Variants in HLTF observed in about 807,000 individuals in gnomAD.
HLTF encodes helicase like transcription factor, also known as DNA-dependent ATPase/E3 ubiquitin-protein ligase HLTF.
HLTF carries 127 observed loss-of-function variants against 129.4 expected under a neutral mutation model. The ratio of observed to expected loss-of-function variants is 0.98; its 90% CI spans 0.85 to 1.14. The LOEUF (loss-of-function observed/expected upper bound fraction) is 1.14. Among genes scored for constraint, HLTF ranks in the 50% most tolerant of loss-of-function variants. HLTF has a pLI of 0.00. For missense variants in HLTF, 1,139 were observed against 1,187.1 expected (o/e 0.96, Z 0.60); for synonymous variants, 332 against 388.8 (o/e 0.85, Z 1.72).
intron 24 of HLTF, 152 bp downstream of exon 24, chr3:149,034,766 C>T (rs1715425517): frequency 3.3e-6 from 2 of 611,566 alleles, no homozygotes; most frequent in Non-Finnish European, 6.0e-6. Context: ...CCTTAAACAG[C>T]ATATATTAAA....
chr3:149,050,191 T>C, intron 15 of HLTF, 41 bp downstream of exon 15: 1 of 1,344,632 alleles, frequency 7.4e-7, no homozygotes, highest in South Asian at 1.5e-5. Flanking sequence ...ATTTCTTACA[T>C]TCAATCTTTA....
rs565556524 is a variant in HLTF, at chr3:149,037,821, G to A, written c.2796+1228C>T. ...CCCACATAGTACCCAGTGCAAATTA[G>A]AAACTGAATTAGTCCAAGGTCCTCT... On this transcript the variant is annotated intron_variant, in intron 23 of 24. Coordinates refer to ENST00000310053, the MANE Select transcript of HLTF (RefSeq NM_003071.4). 2.0e-4 allele frequency among the ~76,000 whole-genome samples: 31 copies of A among 152,266 alleles called. No individual in the cohort carries two copies. In the South Asian group the frequency reaches 6.0e-3, roughly 30 times the overall value.
At chr3:149,039,950 ATTACGATTT>A in intron 21 of HLTF, 72 bp downstream of exon 21, 1 of 1,248,348 alleles carries the variant, frequency 8.0e-7, no homozygotes, top group South Asian at 1.5e-5. Flanking sequence ...TGAAAGCAGA[ATTACGATTT>A]TGATATACTG....
intron 13 of HLTF, among the ~76,000 whole-genome samples, chr3:149,055,708 T>C (rs184287821): frequency 1.5e-4 from 23 of 152,360 alleles, no homozygotes; most frequent in African/African-American, 5.0e-4. Context: ...TTTCTGAATT[T>C]GTGTTATATT....
At chr3:149,077,246 CAAAATAAA>C (rs1186889571) in intron 2 of HLTF, among the ~76,000 whole-genome samples, 1 of 125,958 alleles carries the variant, frequency 7.9e-6, no homozygotes, top group Non-Finnish European at 1.6e-5. Flanking sequence ...GACTTCATCT[CAAAATAAA>C]TAAATAAATA....
chr3:149,082,393 A>G (rs1016520124), intron 2 of HLTF, among the ~76,000 whole-genome samples: 1 of 152,202 alleles, frequency 6.6e-6, no homozygotes, highest in Non-Finnish European at 1.5e-5. Context: ...TGGGAGGCGG[A>G]GCTTGCAATG....
chr3:149,064,834 A>G lies in HLTF; in HGVS notation c.1023T>C (p.Leu341=), dbSNP rs1718219771. ...EYNVNDDSMK[L]GGNNTSEKAD... Reference sequence around the variant, plus strand: ...CCTTTTCACTGGTATTGTTTCCTCCAAGTTTCATAGAGTCATCGTTAACAT... The same window carrying G: ...CCTTTTCACTGGTATTGTTTCCTCCGAGTTTCATAGAGTCATCGTTAACAT... Residue 341 remains leucine, a synonymous_variant, in exon 9 of 25, where the codon CTT becomes CTC. Transcript: ENST00000310053. 1.9e-6 allele frequency: 3 copies of G among 1,601,098 alleles called. No individual in the cohort carries two copies. Among genetic ancestry groups the G allele is most frequent in the Non-Finnish European group, 2.6e-6 (3 of 1,168,744 alleles).
At chr3:149,073,132 TACCC>T in intron 5 of HLTF, 89 bp downstream of exon 5, 1 of 632,944 alleles carries the variant, frequency 1.6e-6, no homozygotes, top group Non-Finnish European at 2.7e-6. Context: ...AGACCACAAA[TACCC>T]ACACGTACAT....
rs572266911 is a variant in HLTF at position 149,036,883 on chromosome 3, G to A, written c.2797-1885C>T. Among the ~76,000 whole-genome samples the A allele has an allele frequency of 2.0e-3, 299 of 152,230 alleles. 2 individuals carry two copies. Among genetic ancestry groups the A allele is most frequent in the African/African-American group, 6.9e-3 (288 of 41,540 alleles). On this transcript the variant is annotated intron_variant, in intron 23 of 24. Coordinates refer to ENST00000310053, the MANE Select transcript of HLTF (RefSeq NM_003071.4). The stretch of plus-strand genomic sequence containing the variant: ...TGGAAAGCTTGATATGTTCAATGAA[G>A]AACACTCAACTTACTATAAAACTGC...
intron 1 of HLTF, among the ~76,000 whole-genome samples, chr3:149,085,242 G>A (rs775657881): frequency 3.2e-4 from 49 of 152,240 alleles, no homozygotes; most frequent in Non-Finnish European, 6.3e-4. Flanking sequence ...TGGAATCCCA[G>A]CACTTTGGGA....
intron 2 of HLTF, among the ~76,000 whole-genome samples, chr3:149,081,333 T>C (rs1302319199): frequency 6.7e-6 from 1 of 149,162 alleles, no homozygotes; most frequent in Admixed American, 6.7e-5. Flanking sequence ...AAATAAAGAA[T>C]GCTACTACAT....
intron 18 of HLTF, among the ~76,000 whole-genome samples, chr3:149,045,305 C>T (rs1576583147): frequency 6.6e-6 from 1 of 152,108 alleles, no homozygotes; most frequent in Non-Finnish European, 1.5e-5. Context: ...TAATACCCTA[C>T]TAAAACAGCT....
At chr3:149,063,409 TA>T in intron 10 of HLTF, 21 bp downstream of exon 10, 1 of 1,411,162 alleles carries the variant, frequency 7.1e-7, no homozygotes, top group Non-Finnish European at 1.0e-6. Flanking sequence ...ACATATGACA[TA>T]ATCAAACCAT....
intron 2 of HLTF, among the ~76,000 whole-genome samples, chr3:149,077,923 C>G (rs1456451389): frequency 6.6e-6 from 1 of 151,896 alleles, no homozygotes; most frequent in African/African-American, 2.4e-5. Flanking sequence ...CTTCAGTGAC[C>G]ACACACGATA....
chr3:149,067,762 T>C (rs553135794), intron 8 of HLTF, among the ~76,000 whole-genome samples: 3 of 152,270 alleles, frequency 2.0e-5, no homozygotes, highest in Middle Eastern at 3.4e-3. Flanking sequence ...TCCTTTCAGA[T>C]AGTTTCTTAG....
At chr3:149,050,412 G>C in intron 14 of HLTF, 37 bp from the exon 15 acceptor site, 1 of 1,457,784 alleles carries the variant, frequency 6.9e-7, no homozygotes, top group Non-Finnish European at 9.4e-7. Context: ...ACAATGAGCA[G>C]ATTTGTGTCA....
At chr3:149,046,002 A>G in intron 18 of HLTF, 78 bp downstream of exon 18, 1 of 1,026,852 alleles carries the variant, frequency 9.7e-7, no homozygotes, top group East Asian at 2.5e-5. Context: ...TTGCTAACAC[A>G]TCTAAATAAT....
intron 18 of HLTF, among the ~76,000 whole-genome samples, chr3:149,045,584 A>G (rs1358893677): frequency 2.0e-5 from 3 of 152,078 alleles, no homozygotes; most frequent in Non-Finnish European, 4.4e-5. Flanking sequence ...TTCCTATCAA[A>G]CCTGCTTTGT....
At chr3:149,057,489 A>G (rs1350568165) in intron 13 of HLTF, among the ~76,000 whole-genome samples, 1 of 152,206 alleles carries the variant, frequency 6.6e-6, no homozygotes, top group Non-Finnish European at 1.5e-5. Flanking sequence ...TGTATATGGA[A>G]GGCCAACTTT....
Sources: gnomAD v4.1 joint callset for allele counts (sites outside exome capture counted in the v4.1 genomes callset) on GRCh38, gnomAD v4.1.1 for gene constraint, MANE v1.5 for transcripts, NCBI Gene and HGNC (gene_info 2026-07-23, HGNC 2026-07-21) for gene names.